CDK6: variants seen among roughly 807,000 people sequenced by gnomAD.
CDK6 encodes cyclin-dependent kinase 6.
Under a neutral mutation model 37.1 loss-of-function variants are expected in CDK6, and 6 were observed. The ratio of observed to expected loss-of-function variants is 0.16; its 90% CI spans 0.09 to 0.32. CDK6 has a LOEUF of 0.32. Among genes scored for constraint, CDK6 ranks in the 10% least tolerant of loss-of-function variants. The pLI, the probability that CDK6 is intolerant of heterozygous loss-of-function variation, is 1.00. For synonymous variants in CDK6, 160 were observed against 161.3 expected (o/e 0.99, Z 0.06); for missense variants, 224 against 418.9 (o/e 0.53, Z 4.06).
intron 3 of CDK6, among the ~76,000 whole-genome samples, chr7:92,771,715 T>G (rs1799723401): frequency 6.6e-6 from 1 of 152,148 alleles, no homozygotes; most frequent in Non-Finnish European, 1.5e-5. Flanking sequence ...CTGCACAGAG[T>G]GAATATTCAA....
At position 92,822,329 on chromosome 7, in the gene CDK6, A is replaced by T. The variant is rs560820787; in HGVS notation, c.233+10762T>A. On this transcript the variant is annotated intron_variant, in intron 2 of 7. Transcript: ENST00000424848. ...TCTACTTGCCAATCATTACATTATT[A>T]AATAACTCCTAATTCCCAGGTCAGA... 2.0e-5 allele frequency among the ~76,000 whole-genome samples: 3 copies of T among 152,156 alleles called. No homozygotes were observed. The East Asian group carries it at 5.8e-4, about 29-fold the overall frequency.
intron 5 of CDK6, 46 bp downstream of exon 5, chr7:92,671,380 A>G (rs1360959610): frequency 8.2e-7 from 1 of 1,218,824 alleles, no homozygotes; most frequent in African/African-American, 1.5e-5. Flanking sequence ...AAAGATCCAC[A>G]GTCTCTTTTC....
In CDK6 at chr7:92,610,505, A is replaced by AC. The variant is rs1795539163; in HGVS notation, c.*4634_*4635insG. 13 of 230,406 alleles carry AC rather than the reference A, an allele frequency of 5.6e-5. No individual in the cohort carries two copies. In the Admixed American group the frequency reaches 7.3e-4, roughly 13 times the overall value. 14.3% of individuals were successfully genotyped at this position (230,406 alleles called of 1,614,324 possible). ...CTGTTGCTTACAAAGGTCAGAAGAT[A>AC]GAGAGACCAAAGGATTATTTTTGGT... On this transcript the variant is annotated 3_prime_UTR_variant, in exon 8 of 8. Transcript: ENST00000424848.
At chr7:92,704,143 G>A (rs1202546444) in intron 4 of CDK6, among the ~76,000 whole-genome samples, 2 of 151,976 alleles carry the variant, frequency 1.3e-5, no homozygotes, top group African/African-American at 4.8e-5. Context: ...TAGATTCCCG[G>A]TGTATCGCAC....
intron 3 of CDK6, among the ~76,000 whole-genome samples, chr7:92,763,524 C>A (rs374491962): frequency 5.3e-4 from 80 of 152,268 alleles, no homozygotes; most frequent in African/African-American, 1.8e-3. Context: ...AGTTGGAATT[C>A]TCCTATTCCT....
chr7:92,703,358 TG>T (rs1221087288), intron 4 of CDK6, among the ~76,000 whole-genome samples: 1 of 152,250 alleles, frequency 6.6e-6, no homozygotes, highest in Non-Finnish European at 1.5e-5. Context: ...AATCCACTTC[TG>T]ATCATAATTT....
intron 2 of CDK6, among the ~76,000 whole-genome samples, chr7:92,782,561 T>A (rs548958073): frequency 6.6e-6 from 1 of 152,316 alleles, no homozygotes; most frequent in East Asian, 1.9e-4. Context: ...ACTGGGATTA[T>A]GAAACTGGCA....
intron 4 of CDK6, among the ~76,000 whole-genome samples, chr7:92,681,326 G>A (rs568298039): frequency 6.6e-6 from 1 of 152,154 alleles, no homozygotes; most frequent in Non-Finnish European, 1.5e-5. Context: ...CAGTAAACAG[G>A]GGGGCTGTGT....
intron 3 of CDK6, among the ~76,000 whole-genome samples, chr7:92,740,170 C>T (rs982607335): frequency 1.4e-4 from 21 of 152,216 alleles, no homozygotes; most frequent in African/African-American, 4.8e-4. Context: ...CGTCTGCTTC[C>T]TAACTATCTC....
intron 2 of CDK6, among the ~76,000 whole-genome samples, chr7:92,783,461 C>CA (rs544862413): frequency 2.6e-5 from 4 of 152,266 alleles, no homozygotes; most frequent in African/African-American, 9.6e-5. Flanking sequence ...CAAGGGAAGG[C>CA]AAAATCAACA....
intron 2 of CDK6, among the ~76,000 whole-genome samples, chr7:92,829,769 C>T (rs1308173662): frequency 2.6e-5 from 4 of 151,968 alleles, no homozygotes; most frequent in African/African-American, 4.8e-5. Context: ...TCCTGGTAAC[C>T]GAATTATCAG....
At position 92,797,213 on chromosome 7, in the gene CDK6, G is replaced by A. The variant is rs144381593; in HGVS notation, c.234-22382C>T. ...GGATGCAACTGGCACCAGAGCTTGA[G>A]GCTATCAGACATTAATCTCATCAGC... On this transcript the variant is annotated intron_variant, in intron 2 of 7. Coordinates refer to ENST00000424848, the MANE Select transcript of CDK6 (RefSeq NM_001145306.2). Among the ~76,000 whole-genome samples, 16 of 152,226 alleles carry A rather than the reference G, an allele frequency of 1.1e-4. No individual in the cohort carries two copies. In the East Asian group the frequency reaches 2.9e-3, roughly 28 times the overall value.
intron 2 of CDK6, among the ~76,000 whole-genome samples, chr7:92,810,816 T>C (rs1486100421): frequency 1.3e-5 from 2 of 152,180 alleles, no homozygotes; most frequent in African/African-American, 4.8e-5. Context: ...CTCACGCCTG[T>C]AATCCCAGCA....
At chr7:92,640,960 A>G (rs150001875) in intron 5 of CDK6, among the ~76,000 whole-genome samples, 2 of 152,350 alleles carry the variant, frequency 1.3e-5, no homozygotes, top group East Asian at 3.8e-4. Context: ...ACCAGGGAAT[A>G]TTTAAATACA....
In CDK6 at chr7:92,646,554, C is replaced by T. The variant is rs140604776; in HGVS notation, c.648-23468G>A. On this transcript the variant is annotated intron_variant, in intron 5 of 7. Coordinates refer to ENST00000424848, the MANE Select transcript of CDK6 (RefSeq NM_001145306.2). ...CTGGGATTACAGGTGCCTGCCATCA[C>T]ATCTGGCAAATTTTTGTGTTTTTAG... Among the ~76,000 whole-genome samples, 440 of 152,086 alleles carry T rather than the reference C, an allele frequency of 2.9e-3. 3 individuals carry two copies. Among genetic ancestry groups the T allele is most frequent in the African/African-American group, 9.8e-3 (406 of 41,476 alleles).
chr7:92,733,422 C>T (rs1798700661), intron 3 of CDK6, among the ~76,000 whole-genome samples: 1 of 152,190 alleles, frequency 6.6e-6, no homozygotes, highest in South Asian at 2.1e-4. Flanking sequence ...TCTTTAACCT[C>T]ATCCCATTTT....
chr7:92,753,307 G>T (rs1384130183), intron 3 of CDK6, among the ~76,000 whole-genome samples: 1 of 152,032 alleles, frequency 6.6e-6, no homozygotes, highest in Non-Finnish European at 1.5e-5. Context: ...CATAATTAGT[G>T]ATTGAGCCCA....
intron 5 of CDK6, among the ~76,000 whole-genome samples, chr7:92,642,614 C>G (rs1796336866): frequency 6.6e-6 from 1 of 152,156 alleles, no homozygotes; most frequent in African/African-American, 2.4e-5. Flanking sequence ...CTAAGTTTCA[C>G]TGAACATGTA....
intron 4 of CDK6, among the ~76,000 whole-genome samples, chr7:92,682,110 A>G (rs1255716031): frequency 6.6e-6 from 1 of 151,912 alleles, no homozygotes; most frequent in Admixed American, 6.6e-5. Context: ...GATGGTCCAA[A>G]TAGCTTCCTC....
Sources: gnomAD v4.1 joint callset for allele counts (sites outside exome capture counted in the v4.1 genomes callset) on GRCh38, gnomAD v4.1.1 for gene constraint, MANE v1.5 for transcripts, NCBI Gene and HGNC (gene_info 2026-07-23, HGNC 2026-07-21) for gene names.